The following CHLSN variants were observed in gnomAD, a reference collection of about 807,000 sequenced individuals.
CHLSN encodes the protein cholesin, also known as protein cholesin.
chr7:1,114,774 C>A, the CHLSN span, among the ~76,000 whole-genome samples: 1 of 152,258 alleles, frequency 6.6e-6, no homozygotes, highest in Admixed American at 6.5e-5. Flanking sequence ...ACGAGGGTGG[C>A]CCGGGAGCCA....
At chr7:991,781 G>C in the CHLSN span, among the ~76,000 whole-genome samples, 3 of 152,206 alleles carry the variant, frequency 2.0e-5, no homozygotes, top group Non-Finnish European at 4.4e-5. Flanking sequence ...GCACATTCAC[G>C]GCCACCACTG....
the CHLSN span, chr7:1,000,564 A>T: frequency 1.5e-4 from 247 of 1,597,250 alleles, no homozygotes; most frequent in Non-Finnish European, 2.0e-4. Flanking sequence ...AGGGAAAGAA[A>T]GACAAACATC....
At chr7:1,083,999 C>A in the CHLSN span, among the ~76,000 whole-genome samples, 9 of 152,260 alleles carry the variant, frequency 5.9e-5, no homozygotes, top group Non-Finnish European at 1.5e-5. Flanking sequence ...CAGCAGCTAA[C>A]CTCCCCAGGC....
chr7:1,099,896 G>A, the CHLSN span, among the ~76,000 whole-genome samples: 3 of 152,200 alleles, frequency 2.0e-5, no homozygotes, highest in Non-Finnish European at 4.4e-5. Context: ...ACCTGACGGC[G>A]GGGACTCAAC....
the CHLSN span, among the ~76,000 whole-genome samples, chr7:1,060,455 T>C: frequency 6.6e-6 from 1 of 152,142 alleles, no homozygotes; most frequent in Non-Finnish European, 1.5e-5. Context: ...CTGAACGCGC[T>C]GGAATTCTGA....
At chr7:1,133,543 G>A in the CHLSN span, among the ~76,000 whole-genome samples, 2 of 151,924 alleles carry the variant, frequency 1.3e-5, no homozygotes, top group South Asian at 2.1e-4. Context: ...GAGGTCAGGA[G>A]ATCAAGACCA....
chr7:1,049,522 C>T, the CHLSN span, among the ~76,000 whole-genome samples: 1 of 152,204 alleles, frequency 6.6e-6, no homozygotes. Context: ...GCTTGCTGCC[C>T]GCTCCAGAGC....
chr7:1,136,589 T>TATAAACATAAACATATATAAAC, the CHLSN span, among the ~76,000 whole-genome samples: 9 of 124,596 alleles, frequency 7.2e-5, no homozygotes, highest in Non-Finnish European at 1.1e-4. Context: ...TATATAAACA[T>TATAAACATAAACATATATAAAC]ATATAAACAT....
the CHLSN span, among the ~76,000 whole-genome samples, chr7:1,016,596 C>G: frequency 1.5e-5 from 1 of 67,350 alleles, no homozygotes; most frequent in South Asian, 3.6e-4. Flanking sequence ...CAGCACCACA[C>G]AGCAGCGTAC....
At chr7:1,008,257 C>A in the CHLSN span, among the ~76,000 whole-genome samples, 1 of 152,216 alleles carries the variant, frequency 6.6e-6, no homozygotes, top group South Asian at 2.1e-4. Flanking sequence ...CTTGCCCACA[C>A]CTGGGCTCGA....
the CHLSN span, among the ~76,000 whole-genome samples, chr7:980,653 A>T: frequency 6.6e-6 from 1 of 150,748 alleles, no homozygotes. Flanking sequence ...CAGCCGTTAG[A>T]GGAGTACTGT....
the CHLSN span, among the ~76,000 whole-genome samples, chr7:993,838 G>A: frequency 6.6e-6 from 1 of 152,226 alleles, no homozygotes; most frequent in East Asian, 1.9e-4. Flanking sequence ...GTGATTCAGC[G>A]GCCGAACCTG....
the CHLSN span, among the ~76,000 whole-genome samples, chr7:981,716 A>G: frequency 1.3e-5 from 2 of 151,994 alleles, no homozygotes; most frequent in African/African-American, 2.4e-5. Context: ...CCGTCTCAAA[A>G]ACAACAAAAA....
chr7:1,121,045 C>T, the CHLSN span, among the ~76,000 whole-genome samples: 1 of 150,710 alleles, frequency 6.6e-6, no homozygotes, highest in Admixed American at 6.6e-5. Flanking sequence ...GCCACAAAAA[C>T]GGATCAAAAA....
At chr7:982,495 C>A in the CHLSN span, among the ~76,000 whole-genome samples, 5,985 of 152,330 alleles carry the variant, frequency 0.039, 331 homozygotes, top group African/African-American at 0.12. Context: ...GGCTCGTAAA[C>A]CCCGCCACCT....
the CHLSN span, among the ~76,000 whole-genome samples, chr7:1,133,520 G>A: frequency 6.6e-6 from 1 of 151,938 alleles, no homozygotes; most frequent in African/African-American, 2.4e-5. Context: ...GGAGGCTGAG[G>A]CAGATGGATC....
the CHLSN span, among the ~76,000 whole-genome samples, chr7:1,087,678 A>G: frequency 5.9e-5 from 9 of 152,172 alleles, no homozygotes; most frequent in Admixed American, 4.6e-4. Context: ...AGAAATGCCT[A>G]TTTCTTGGGA....
chr7:1,090,811 C>T, the CHLSN span, among the ~76,000 whole-genome samples: 3 of 152,354 alleles, frequency 2.0e-5, no homozygotes, highest in South Asian at 4.1e-4. Context: ...GAAATAAAAA[C>T]GTACATATTA....
At chr7:1,043,239 A>T in the CHLSN span, among the ~76,000 whole-genome samples, 20 of 152,280 alleles carry the variant, frequency 1.3e-4, no homozygotes, top group Admixed American at 4.6e-4. Flanking sequence ...AAAAAAAAAA[A>T]TATTAAAATG....
Sources: gnomAD v4.1 joint callset for allele counts (sites outside exome capture counted in the v4.1 genomes callset) on GRCh38, gnomAD v4.1.1 for gene constraint, MANE v1.5 for transcripts, NCBI Gene and HGNC (gene_info 2026-07-23, HGNC 2026-07-21) for gene names.